Variants in ARMC9 observed in about 807,000 individuals in gnomAD.
ARMC9 encodes the protein lisH domain-containing protein ARMC9.
ARMC9 carries 94 observed loss-of-function variants against 107.0 expected under a neutral mutation model. The observed-to-expected ratio is 0.88, with a 90% CI of 0.74 to 1.04. The LOEUF (loss-of-function observed/expected upper bound fraction) is 1.04. Ranked by LOEUF, ARMC9 falls within the 50% of genes least tolerant of loss-of-function variation. The pLI is 0.00. For synonymous variants in ARMC9, 380 were observed against 396.9 expected (o/e 0.96, Z 0.51); for missense variants, 942 against 1,030.1 (o/e 0.91, Z 1.17).
chr2:231,266,854 T>C (rs2038898495), intron 12 of ARMC9, among the ~76,000 whole-genome samples: 1 of 152,242 alleles, frequency 6.6e-6, no homozygotes, highest in Non-Finnish European at 1.5e-5. Context: ...CCTCCGTCAG[T>C]AGAAGCTACT....
At chr2:231,200,666 T>A (rs1347653341) in intron 1 of ARMC9, among the ~76,000 whole-genome samples, 1 of 130,262 alleles carries the variant, frequency 7.7e-6, no homozygotes, top group Non-Finnish European at 1.6e-5. Context: ...AAAGTGAAAC[T>A]CCATCTCAAA....
In ARMC9 at chr2:231,373,285, A is replaced by T. The variant is rs1291926280; in HGVS notation, c.*1750A>T. On this transcript the variant is annotated 3_prime_UTR_variant, in exon 25 of 25. Coordinates refer to ENST00000611582, the MANE Select transcript of ARMC9 (RefSeq NM_001352754.2). The surrounding 1 kb of genome is among the most constrained non-coding windows in gnomAD (Gnocchi z 4.4). ...GTGGTGAGACTTTGAAAAGGTGTAGAGTGGTTGCAGACAAACAGCAAAGGA... is the reference window on the plus strand; with the variant it reads ...GTGGTGAGACTTTGAAAAGGTGTAGTGTGGTTGCAGACAAACAGCAAAGGA... 1 of 152,240 alleles carries T rather than the reference A, an allele frequency of 6.6e-6. No homozygotes were observed. Among genetic ancestry groups the T allele is most frequent in the Non-Finnish European group, 1.5e-5 (1 of 68,092 alleles). The allele number at this position is 152,240 out of a possible 1,614,324, so 9.4% of individuals were successfully genotyped here.
chr2:231,316,687 A>G (rs975194799), intron 19 of ARMC9, among the ~76,000 whole-genome samples: 2 of 152,148 alleles, frequency 1.3e-5, no homozygotes, highest in African/African-American at 4.8e-5. Flanking sequence ...GAAAGAAAAA[A>G]AAAGAATTCT....
At chr2:231,228,613 C>G (rs1003300766) in intron 7 of ARMC9, among the ~76,000 whole-genome samples, 2 of 152,222 alleles carry the variant, frequency 1.3e-5, no homozygotes, top group Non-Finnish European at 2.9e-5. Context: ...CATTCTGTTT[C>G]TTGCAAGTGA....
intron 16 of ARMC9, among the ~76,000 whole-genome samples, chr2:231,280,787 T>G (rs1418118483): frequency 6.6e-6 from 1 of 152,098 alleles, no homozygotes; most frequent in Non-Finnish European, 1.5e-5. Flanking sequence ...TAAGTAAAAG[T>G]CAAGCAATCC....
rs1216454716 is a variant in ARMC9 at position 231,358,187 on chromosome 2, G to C, written c.2131+2253G>C. Among the ~76,000 whole-genome samples the C allele has an allele frequency of 6.6e-6, 1 of 152,166 alleles. No homozygotes were observed. The highest frequency in any genetic ancestry group is 1.5e-5 in the Non-Finnish European group (1 of 68,034). ...GTCCATTAAGCCAGGGTATGAATGAGGGGGAGGGGGATGAGCAGCAGGGAC... is the reference window on the plus strand; with the variant it reads ...GTCCATTAAGCCAGGGTATGAATGACGGGGAGGGGGATGAGCAGCAGGGAC... On this transcript the variant is annotated intron_variant, in intron 22 of 24. Coordinates refer to ENST00000611582, the MANE Select transcript of ARMC9 (RefSeq NM_001352754.2). The surrounding 1 kb of genome is among the most constrained non-coding windows in gnomAD (Gnocchi z 4.5).
At chr2:231,348,327 T>G (rs2044893813) in intron 21 of ARMC9, among the ~76,000 whole-genome samples, 1 of 152,126 alleles carries the variant, frequency 6.6e-6, no homozygotes, top group African/African-American at 2.4e-5. Flanking sequence ...CTCTAGAAAC[T>G]GGAAAAGGCA....
chr2:231,245,570 G>C (rs536213000), intron 9 of ARMC9, among the ~76,000 whole-genome samples: 1 of 152,196 alleles, frequency 6.6e-6, no homozygotes, highest in Non-Finnish European at 1.5e-5. Flanking sequence ...CCCTCCCTTC[G>C]CTCAGCGCAT....
Position 231,355,871 on chromosome 2 carries a change from G to A in ARMC9, c.2068G>A (p.Ala690Thr), listed in dbSNP as rs767069680. ...RNGHPQALPA[A>T]HEAVYREGKP... is the part of the protein sequence containing the mutation. ...CGGCCACCCGCAGGCCCTGCCAGCC[G>A]CTCACGAGGCTGTCTACAGGGAGGG... is the stretch of plus-strand genomic sequence containing the variant. Residue 690 changes from alanine (A) to threonine (T), a missense_variant, in exon 22 of 25, where the codon GCT (alanine) becomes ACT (threonine). Transcript: ENST00000611582. 1.3e-5 allele frequency: 20 copies of A among 1,536,112 alleles called. No homozygotes were observed. Among genetic ancestry groups the A allele is most frequent in the African/African-American group, 2.7e-5 (2 of 73,170 alleles).
rs2043345320 is a variant in ARMC9, at chr2:231,326,738, C to T, written c.1774-5055C>T. Among the ~76,000 whole-genome samples, 3 of 152,216 alleles carry T rather than the reference C, an allele frequency of 2.0e-5. No individual in the cohort carries two copies. The South Asian group carries it at 6.2e-4, about 32-fold the overall frequency. Reference sequence around the variant, plus strand: ...CCCAGGAGGTTGAGCCTTCATATTCCTTGGAAACTGACTGGGGCAAATCAA... The same window carrying T: ...CCCAGGAGGTTGAGCCTTCATATTCTTTGGAAACTGACTGGGGCAAATCAA... On this transcript the variant is annotated intron_variant, in intron 19 of 24. Transcript: ENST00000611582.
intron 22 of ARMC9, among the ~76,000 whole-genome samples, chr2:231,359,766 C>A (rs1422141780): frequency 6.6e-6 from 1 of 152,180 alleles, no homozygotes; most frequent in Non-Finnish European, 1.5e-5. Flanking sequence ...ATTTCTAGAC[C>A]CAGATCCAGG....
chr2:231,376,430 G>A lies in ARMC9; in HGVS notation c.*4895G>A, dbSNP rs561023989. ...GTCTCTGAACTGGCCCCCCTCCCCCGGGGGCGTGGTCGTCTCTTATGGTCG... is the reference window on the plus strand; with the variant it reads ...GTCTCTGAACTGGCCCCCCTCCCCCAGGGGCGTGGTCGTCTCTTATGGTCG... On this transcript the variant is annotated 3_prime_UTR_variant, in exon 25 of 25. Coordinates refer to ENST00000611582, the MANE Select transcript of ARMC9 (RefSeq NM_001352754.2). Among the ~76,000 whole-genome samples the A allele has an allele frequency of 1.8e-4, 27 of 152,146 alleles. No individual in the cohort carries two copies. The highest frequency in any genetic ancestry group is 3.4e-3 in the Middle Eastern group (1 of 294).
At chr2:231,253,365 T>G (rs1295663581) in intron 9 of ARMC9, among the ~76,000 whole-genome samples, 2 of 152,142 alleles carry the variant, frequency 1.3e-5, no homozygotes, top group African/African-American at 4.8e-5. Context: ...TTTGCCTGCC[T>G]CGGCCTCCCA....
intron 1 of ARMC9, among the ~76,000 whole-genome samples, chr2:231,203,969 A>G (rs2031536708): frequency 6.6e-6 from 1 of 151,788 alleles, no homozygotes; most frequent in African/African-American, 2.4e-5. Flanking sequence ...TCAAAAACAA[A>G]CAAACAAAAA....
At chr2:231,203,873 T>C (rs1319956020) in intron 1 of ARMC9, among the ~76,000 whole-genome samples, 1 of 152,028 alleles carries the variant, frequency 6.6e-6, no homozygotes, top group Non-Finnish European at 1.5e-5. Flanking sequence ...AGCAGGAGAA[T>C]TGCTGGAACC....
intron 15 of ARMC9, among the ~76,000 whole-genome samples, chr2:231,278,140 A>G (rs2039920565): frequency 6.6e-6 from 1 of 152,188 alleles, no homozygotes; most frequent in Admixed American, 6.5e-5. Context: ...AGTCCTTTAC[A>G]TACATTAGTC....
chr2:231,366,813 C>G (rs930196601), intron 23 of ARMC9, among the ~76,000 whole-genome samples: 8 of 150,808 alleles, frequency 5.3e-5, no homozygotes, highest in African/African-American at 2.0e-4. Flanking sequence ...TGCACTCCAG[C>G]CTGGTGATAG....
chr2:231,220,048 C>T (rs1032185061), intron 5 of ARMC9, among the ~76,000 whole-genome samples: 3 of 152,086 alleles, frequency 2.0e-5, no homozygotes, highest in South Asian at 2.1e-4. Context: ...TCATTGTGCT[C>T]GCCATACCTT....
intron 19 of ARMC9, among the ~76,000 whole-genome samples, chr2:231,301,560 T>C (rs577081739): frequency 2.0e-5 from 3 of 152,352 alleles, no homozygotes; most frequent in African/African-American, 7.2e-5. Context: ...ATTTCCAATT[T>C]CATATCCTTT....
Sources: gnomAD v4.1 joint callset for allele counts (sites outside exome capture counted in the v4.1 genomes callset) on GRCh38, gnomAD v4.1.1 for gene constraint, Gnocchi (gnomAD v3.1) non-coding constraint, MANE v1.5 for transcripts, NCBI Gene and HGNC (gene_info 2026-07-23, HGNC 2026-07-21) for gene names.